UVRAG: variants seen among roughly 807,000 people sequenced by gnomAD.
UVRAG encodes the protein UV radiation resistance associated, also known as UV radiation resistance-associated gene protein.
In UVRAG, 19 loss-of-function variants were observed where a neutral mutation model predicts 78.0. The observed-to-expected ratio is 0.24, with a 90% confidence interval of 0.17 to 0.36. The LOEUF (loss-of-function observed/expected upper bound fraction) is 0.36. Among genes scored for constraint, UVRAG ranks in the 10% least tolerant of loss-of-function variants. The probability of loss-of-function intolerance (pLI) is 1.00; values close to 1 mark genes in which losing one functional copy is unlikely to be tolerated. For missense variants in UVRAG, 740 were observed against 853.8 expected (o/e 0.87, Z 1.66); for synonymous variants, 323 against 324.6 (o/e 1.00, Z 0.05).
intron 8 of UVRAG, among the ~76,000 whole-genome samples, chr11:75,992,198 C>T (rs967097640): frequency 3.9e-5 from 6 of 152,022 alleles, no homozygotes; most frequent in African/African-American, 1.2e-4. Flanking sequence ...AACTGTGCTG[C>T]GAAGGGAGAT....
chr11:75,982,369 G>A (rs1949411071), intron 7 of UVRAG, among the ~76,000 whole-genome samples: 2 of 152,202 alleles, frequency 1.3e-5, no homozygotes, highest in South Asian at 4.1e-4. Context: ...TCTTAGCTGG[G>A]AGGAGGAGAG....
At chr11:75,829,596 T>G (rs979086253) in intron 1 of UVRAG, among the ~76,000 whole-genome samples, 8 of 152,130 alleles carry the variant, frequency 5.3e-5, no homozygotes, top group Non-Finnish European at 1.2e-4. Flanking sequence ...ACTGCCTTCA[T>G]GGACCTAACC....
intron 13 of UVRAG, among the ~76,000 whole-genome samples, chr11:76,075,147 A>AT (rs1951380893): frequency 6.6e-6 from 1 of 152,204 alleles, no homozygotes; most frequent in Non-Finnish European, 1.5e-5. Context: ...TAATTCTTGG[A>AT]ATCAAAAATA....
intron 13 of UVRAG, among the ~76,000 whole-genome samples, chr11:76,086,240 T>A (rs1951587194): frequency 6.6e-6 from 1 of 152,234 alleles, no homozygotes; most frequent in African/African-American, 2.4e-5. Context: ...CCATCATGTA[T>A]TCTAGAAAGA....
chr11:76,037,286 C>T (rs149835366), intron 12 of UVRAG, among the ~76,000 whole-genome samples: 68 of 152,206 alleles, frequency 4.5e-4, no homozygotes, highest in African/African-American at 1.3e-3. Flanking sequence ...ATTTAAAAAG[C>T]TTTCCACATA....
chr11:75,932,763 G>A (rs929186208), intron 6 of UVRAG, among the ~76,000 whole-genome samples: 2 of 152,116 alleles, frequency 1.3e-5, no homozygotes, highest in African/African-American at 4.8e-5. Context: ...ATTCACAATA[G>A]CTACAAATAA....
intron 1 of UVRAG, among the ~76,000 whole-genome samples, chr11:75,819,248 GGGACTACTACTTAAT>G (rs1336372182): frequency 6.6e-6 from 1 of 152,162 alleles, no homozygotes; most frequent in East Asian, 1.9e-4. Flanking sequence ...TGTGTCAGAT[GGGACTACTACTTAAT>G]TTTGTCTCCT....
intron 1 of UVRAG, among the ~76,000 whole-genome samples, chr11:75,848,148 C>T (rs574243816): frequency 3.3e-5 from 5 of 150,178 alleles, no homozygotes; most frequent in East Asian, 3.9e-4. Flanking sequence ...CAGTGAGCTA[C>T]GATCTACCAC....
At chr11:75,878,744 G>T (rs1004663897) in intron 3 of UVRAG, among the ~76,000 whole-genome samples, 2 of 152,164 alleles carry the variant, frequency 1.3e-5, no homozygotes, top group Admixed American at 6.5e-5. Flanking sequence ...GCCTGCAATC[G>T]CAGGCACTCG....
intron 12 of UVRAG, among the ~76,000 whole-genome samples, chr11:76,052,901 C>T (rs780300794): frequency 1.9e-4 from 28 of 151,232 alleles, no homozygotes; most frequent in Admixed American, 7.2e-4. Flanking sequence ...TTTGTCACCT[C>T]ATTTCATTTA....
chr11:76,095,382 G>C (rs2134434924), intron 13 of UVRAG, among the ~76,000 whole-genome samples: 1 of 151,932 alleles, frequency 6.6e-6, no homozygotes, highest in African/African-American at 2.4e-5. Context: ...TTTTTAGCTT[G>C]CAAAACATTG....
intron 13 of UVRAG, among the ~76,000 whole-genome samples, chr11:76,079,491 G>GAAA (rs113475742): frequency 7.1e-6 from 1 of 140,422 alleles, no homozygotes; most frequent in African/African-American, 2.6e-5. Flanking sequence ...TCAAAAAAAA[G>GAAA]AAAAAAAAAA....
At chr11:76,111,316 C>G (rs975795753) in intron 13 of UVRAG, among the ~76,000 whole-genome samples, 5 of 152,120 alleles carry the variant, frequency 3.3e-5, no homozygotes, top group African/African-American at 1.2e-4. Context: ...TGTGGTGGTA[C>G]CGAGTATCTC....
At chr11:75,877,788 C>T (rs1406957165) in intron 3 of UVRAG, among the ~76,000 whole-genome samples, 2 of 140,732 alleles carry the variant, frequency 1.4e-5, no homozygotes, top group South Asian at 2.3e-4. Flanking sequence ...CAGAGGGGCT[C>T]CTCACTTCCC....
chr11:75,815,863 C>G (rs1945254068), intron 1 of UVRAG, among the ~76,000 whole-genome samples: 2 of 152,088 alleles, frequency 1.3e-5, no homozygotes, highest in Non-Finnish European at 2.9e-5. Flanking sequence ...CTCCCTCGTT[C>G]CGCCCAGGAA....
intron 7 of UVRAG, among the ~76,000 whole-genome samples, chr11:75,977,715 A>G (rs1464571478): frequency 6.6e-6 from 1 of 151,644 alleles, no homozygotes; most frequent in Non-Finnish European, 1.5e-5. Context: ...TGTGTTTTCC[A>G]TTTGCTTGGT....
intron 4 of UVRAG, among the ~76,000 whole-genome samples, chr11:75,886,767 G>T (rs2134917944): frequency 6.6e-6 from 1 of 152,234 alleles, no homozygotes; most frequent in African/African-American, 2.4e-5. Context: ...CCATCTCTAG[G>T]TAGAGAAAGG....
chr11:75,951,073 T>C (rs1460450302), intron 6 of UVRAG, among the ~76,000 whole-genome samples: 2 of 151,852 alleles, frequency 1.3e-5, no homozygotes, highest in Non-Finnish European at 2.9e-5. Flanking sequence ...CCCTTAGGAC[T>C]AATTTTTGCC....
chr11:75,913,010 T>C (rs1947772346), intron 6 of UVRAG, among the ~76,000 whole-genome samples: 1 of 152,232 alleles, frequency 6.6e-6, no homozygotes, highest in South Asian at 2.1e-4. Context: ...TTAGGATATG[T>C]AGCAGAACAC....
Sources: allele counts gnomAD v4.1 joint callset (sites outside exome capture counted in the v4.1 genomes callset), GRCh38; gene constraint gnomAD v4.1.1; transcripts MANE v1.5; gene names NCBI Gene and HGNC (gene_info 2026-07-23, HGNC 2026-07-21).